The following CDK14 variants were observed in gnomAD, a reference collection of about 807,000 sequenced individuals.
CDK14 encodes cyclin dependent kinase 14.
In CDK14, 34 loss-of-function variants were observed where a neutral mutation model predicts 60.7. The observed-to-expected ratio is 0.56, with a 90% CI of 0.43 to 0.75. The LOEUF (loss-of-function observed/expected upper bound fraction) is 0.75, where lower values mean the gene tolerates loss of function less well. Among genes scored for constraint, CDK14 ranks in the 30% least tolerant of loss-of-function variants. The pLI, the probability that CDK14 is intolerant of heterozygous loss-of-function variation, is 0.00. For synonymous variants in CDK14, 197 were observed against 203.7 expected (o/e 0.97, Z 0.28); for missense variants, 482 against 564.1 (o/e 0.85, Z 1.47).
intron 2 of CDK14, among the ~76,000 whole-genome samples, chr7:90,640,333 T>A (rs908667719): frequency 6.6e-6 from 1 of 152,178 alleles, no homozygotes; most frequent in African/African-American, 2.4e-5. Flanking sequence ...TTAATAATGA[T>A]AATTAATCTA....
intron 10 of CDK14, among the ~76,000 whole-genome samples, chr7:91,044,796 C>T (rs966604206): frequency 2.0e-5 from 3 of 152,208 alleles, no homozygotes; most frequent in African/African-American, 7.2e-5. Context: ...ATGACACCAT[C>T]TGGCACTCCC....
At chr7:91,105,750 T>C (rs1241821667) in intron 12 of CDK14, among the ~76,000 whole-genome samples, 1 of 152,130 alleles carries the variant, frequency 6.6e-6, no homozygotes, top group East Asian at 1.9e-4. Context: ...TCACCCAGCA[T>C]TTTAGGTATT....
intron 2 of CDK14, among the ~76,000 whole-genome samples, chr7:90,708,514 A>G (rs573984600): frequency 1.3e-5 from 2 of 152,332 alleles, no homozygotes; most frequent in South Asian, 4.1e-4. Flanking sequence ...ATAACTTTTT[A>G]AAAAGATTTT....
chr7:91,119,431 C>T (rs1227789105), intron 14 of CDK14, among the ~76,000 whole-genome samples: 1 of 152,198 alleles, frequency 6.6e-6, no homozygotes, highest in African/African-American at 2.4e-5. Flanking sequence ...TTGCAGTGAG[C>T]TGAGATTGCA....
chr7:91,198,699 A>G lies in CDK14; in HGVS notation c.*29-8466A>G, dbSNP rs1466593167. Among the ~76,000 whole-genome samples, 3 of 152,224 alleles carry G rather than the reference A, an allele frequency of 2.0e-5. No homozygotes were observed. The East Asian group carries it at 5.8e-4, about 29-fold the overall frequency. On this transcript the variant is annotated intron_variant, in intron 14 of 14. Transcript: ENST00000380050. ...TGATCTGATTTATGCTACAGAAATG[A>G]ATATTTTGTTTTGCATGTTTCCGCT...
chr7:90,824,231 C>A (rs1321059488), intron 5 of CDK14, among the ~76,000 whole-genome samples: 1 of 137,238 alleles, frequency 7.3e-6, no homozygotes, highest in Non-Finnish European at 1.6e-5. Flanking sequence ...GTTATATCCT[C>A]TAATCCACAC....
chr7:90,933,606 A>G (rs1035998652), intron 8 of CDK14, among the ~76,000 whole-genome samples: 2 of 152,252 alleles, frequency 1.3e-5, no homozygotes, highest in Non-Finnish European at 2.9e-5. Flanking sequence ...ACTTCTTTAT[A>G]TAGAATGGCA....
chr7:90,848,851 T>G (rs1790553563), intron 5 of CDK14, among the ~76,000 whole-genome samples: 1 of 152,226 alleles, frequency 6.6e-6, no homozygotes, highest in Non-Finnish European at 1.5e-5. Flanking sequence ...CATTGGGGCT[T>G]TGAAATAAAT....
chr7:91,037,094 G>C (rs1222777166), intron 10 of CDK14, among the ~76,000 whole-genome samples: 1 of 152,174 alleles, frequency 6.6e-6, no homozygotes, highest in Non-Finnish European at 1.5e-5. Context: ...GCAGCTTGCT[G>C]CATGCCACCT....
chr7:90,964,995 T>C (rs1380976253), intron 9 of CDK14, among the ~76,000 whole-genome samples: 1 of 152,224 alleles, frequency 6.6e-6, no homozygotes, highest in Non-Finnish European at 1.5e-5. Flanking sequence ...GAAAACATAT[T>C]TTTCAAATTC....
intron 12 of CDK14, among the ~76,000 whole-genome samples, chr7:91,082,896 G>T (rs192219949): frequency 9.9e-4 from 151 of 152,206 alleles, no homozygotes; most frequent in African/African-American, 3.5e-3. Flanking sequence ...CAGAGAATTC[G>T]CAACAAACTG....
intron 2 of CDK14, among the ~76,000 whole-genome samples, chr7:90,666,707 C>T (rs934001146): frequency 5.9e-5 from 9 of 152,226 alleles, no homozygotes; most frequent in African/African-American, 2.2e-4. Context: ...GAAGGAAGGT[C>T]CTGAAAGTAA....
intron 6 of CDK14, among the ~76,000 whole-genome samples, chr7:90,896,722 C>A (rs1351102853): frequency 6.6e-6 from 1 of 152,170 alleles, no homozygotes; most frequent in South Asian, 2.1e-4. Context: ...ATATTGCATT[C>A]ATTGCCTGGG....
intron 3 of CDK14, among the ~76,000 whole-genome samples, chr7:90,738,208 A>G (rs1228679180): frequency 1.3e-5 from 2 of 152,250 alleles, no homozygotes; most frequent in Non-Finnish European, 2.9e-5. Flanking sequence ...CAGTAACTAT[A>G]GGATTTTAGA....
intron 12 of CDK14, among the ~76,000 whole-genome samples, chr7:91,092,272 T>C (rs1219314434): frequency 6.6e-6 from 1 of 152,200 alleles, no homozygotes; most frequent in Non-Finnish European, 1.5e-5. Context: ...TCAGCCTATT[T>C]TATGCTCACC....
chr7:90,913,972 A>G (rs1286124212), intron 7 of CDK14, among the ~76,000 whole-genome samples: 2 of 152,158 alleles, frequency 1.3e-5, no homozygotes, highest in Non-Finnish European at 2.9e-5. Context: ...TGAGGGTATC[A>G]GTTTCTTTGA....
intron 3 of CDK14, among the ~76,000 whole-genome samples, chr7:90,743,105 T>C (rs1803419922): frequency 6.6e-6 from 1 of 152,164 alleles, no homozygotes; most frequent in Admixed American, 6.5e-5. Context: ...GGCATCATGC[T>C]GATGTTAAAA....
intron 4 of CDK14, among the ~76,000 whole-genome samples, chr7:90,783,663 G>C (rs1188813065): frequency 1.3e-5 from 2 of 152,048 alleles, no homozygotes; most frequent in Non-Finnish European, 2.9e-5. Flanking sequence ...ATGTTCAACA[G>C]GTGTATGAAA....
intron 10 of CDK14, among the ~76,000 whole-genome samples, chr7:91,007,448 C>T (rs371633613): frequency 6.6e-6 from 1 of 152,210 alleles, no homozygotes; most frequent in Non-Finnish European, 1.5e-5. Flanking sequence ...GTCAGTTTTC[C>T]ACATCCCATG....
Sources: allele counts gnomAD v4.1 joint callset (sites outside exome capture counted in the v4.1 genomes callset), GRCh38; gene constraint gnomAD v4.1.1; transcripts MANE v1.5; gene names NCBI Gene and HGNC (gene_info 2026-07-23, HGNC 2026-07-21).